TTBK2: variants seen among roughly 807,000 people sequenced by gnomAD.
The protein encoded by TTBK2 is tau-tubulin kinase 2.
A neutral mutation model predicts 110.8 loss-of-function variants in TTBK2; 28 were observed. The ratio of observed to expected loss-of-function variants is 0.25; its 90% confidence interval spans 0.19 to 0.35. The LOEUF is 0.35. TTBK2 is among the 10% of genes least tolerant of loss of function. The probability of loss-of-function intolerance (pLI) is 1.00; values close to 1 mark genes in which losing one functional copy is unlikely to be tolerated. For missense variants in TTBK2, 1,369 were observed against 1,500.3 expected (o/e 0.91, Z 1.45); for synonymous variants, 532 against 527.3 (o/e 1.01, Z -0.12).
chr15:42,879,298 G>A (rs971299922), intron 1 of TTBK2, among the ~76,000 whole-genome samples: 1 of 152,144 alleles, frequency 6.6e-6, no homozygotes. Flanking sequence ...TACTGATACA[G>A]AGTGACTTTC....
Position 42,775,699 on chromosome 15 carries a change from G to A in TTBK2, c.1434C>T (p.Thr478=). 1 of 1,612,474 alleles carries A rather than the reference G, an allele frequency of 6.2e-7. No homozygotes were observed. Among genetic ancestry groups the A allele is most frequent in the South Asian group, 1.1e-5 (1 of 90,946 alleles). Residue 478 remains threonine (T), a synonymous_variant, in exon 13 of 15, where the codon ACC becomes ACT. Transcript: ENST00000267890. ...GGAGAATAGATTCTTTTCCTGCACT[G>A]GTATCTTTCTGCATTTTCTCCAGGC... ...ETCLEKMQKD[T]SAGKESILPA...
chr15:42,782,207 G>T (rs1890208567), intron 11 of TTBK2, among the ~76,000 whole-genome samples: 1 of 152,130 alleles, frequency 6.6e-6, no homozygotes, highest in Non-Finnish European at 1.5e-5. Context: ...AAGTAGCTGG[G>T]ATTACAGGCA....
chr15:42,833,347 T>A, intron 4 of TTBK2, among the ~76,000 whole-genome samples: 1 of 142,756 alleles, frequency 7.0e-6, no homozygotes, highest in African/African-American at 2.6e-5. Flanking sequence ...AAGATCTCAA[T>A]AAAAATGCAA....
chr15:42,913,958 A>G (rs1244196287), intron 1 of TTBK2, among the ~76,000 whole-genome samples: 2 of 151,960 alleles, frequency 1.3e-5, no homozygotes, highest in Non-Finnish European at 2.9e-5. Flanking sequence ...TCACTGCAAT[A>G]ACATTTTAAG....
At chr15:42,781,340 C>A (rs1381240309) in intron 11 of TTBK2, among the ~76,000 whole-genome samples, 2 of 152,060 alleles carry the variant, frequency 1.3e-5, no homozygotes, top group Non-Finnish European at 2.9e-5. Context: ...ATATTCAGAA[C>A]AGAATGAGAA....
At chr15:42,902,425 C>T (rs2141192720) in intron 1 of TTBK2, among the ~76,000 whole-genome samples, 1 of 152,074 alleles carries the variant, frequency 6.6e-6, no homozygotes, top group Non-Finnish European at 1.5e-5. Flanking sequence ...GAGGCTGAGG[C>T]AGGAGAATCT....
intron 1 of TTBK2, among the ~76,000 whole-genome samples, chr15:42,883,992 T>C (rs1217748522): frequency 6.6e-6 from 1 of 152,108 alleles, no homozygotes; most frequent in Non-Finnish European, 1.5e-5. Flanking sequence ...TATCTGACAG[T>C]GTTGACTTCA....
chr15:42,880,617 T>C (rs888710882), intron 1 of TTBK2, among the ~76,000 whole-genome samples: 3 of 152,044 alleles, frequency 2.0e-5, no homozygotes, highest in Non-Finnish European at 4.4e-5. Flanking sequence ...TGGTCTCAGA[T>C]TCATGGCCTT....
intron 3 of TTBK2, among the ~76,000 whole-genome samples, chr15:42,860,688 T>C (rs1426079625): frequency 7.2e-6 from 1 of 138,632 alleles, no homozygotes; most frequent in Non-Finnish European, 1.5e-5. Flanking sequence ...CTACACTAAA[T>C]GCCTTTACAC....
chr15:42,813,506 A>G (rs1410362947), intron 7 of TTBK2, among the ~76,000 whole-genome samples: 1 of 152,072 alleles, frequency 6.6e-6, no homozygotes, highest in Non-Finnish European at 1.5e-5. Flanking sequence ...TGGGCAACAG[A>G]GCAAGACTCT....
chr15:42,845,565 C>T (rs1366659548), intron 3 of TTBK2, among the ~76,000 whole-genome samples: 1 of 119,672 alleles, frequency 8.4e-6, no homozygotes, highest in Non-Finnish European at 1.6e-5. Context: ...ACCTGGGAGG[C>T]GGGGGTTGCA....
chr15:42,815,948 T>TA (rs1567040504), intron 7 of TTBK2, among the ~76,000 whole-genome samples: 5 of 19,922 alleles, frequency 2.5e-4, no homozygotes, highest in African/African-American at 4.5e-4. Context: ...ATATATATAT[T>TA]TAAAAAAAAA....
intron 9 of TTBK2, among the ~76,000 whole-genome samples, chr15:42,802,912 T>C (rs888028934): frequency 2.0e-5 from 3 of 152,200 alleles, no homozygotes; most frequent in African/African-American, 7.2e-5. Context: ...CAGAAAAATG[T>C]GAAAAGGTGA....
intron 1 of TTBK2, among the ~76,000 whole-genome samples, chr15:42,889,403 T>G (rs1895366669): frequency 1.3e-5 from 2 of 152,200 alleles, no homozygotes; most frequent in Non-Finnish European, 2.9e-5. Flanking sequence ...CCTTCCCACC[T>G]CTATACAGTC....
At chr15:42,907,300 C>T (rs2030461316) in intron 1 of TTBK2, among the ~76,000 whole-genome samples, 2 of 152,140 alleles carry the variant, frequency 1.3e-5, no homozygotes, top group South Asian at 4.1e-4. Flanking sequence ...AATAGAACTT[C>T]CATATTATCC....
At chr15:42,905,987 G>A (rs1043732433) in intron 1 of TTBK2, among the ~76,000 whole-genome samples, 2 of 152,050 alleles carry the variant, frequency 1.3e-5, no homozygotes, top group African/African-American at 2.4e-5. Flanking sequence ...TCGGGAGTTC[G>A]AGACCAGCCA....
intron 1 of TTBK2, among the ~76,000 whole-genome samples, chr15:42,896,915 G>C (rs1332582836): frequency 1.4e-5 from 2 of 139,750 alleles, no homozygotes; most frequent in Non-Finnish European, 3.1e-5. Context: ...TCTTGCTCTT[G>C]TCGCCCAGGC....
intron 3 of TTBK2, among the ~76,000 whole-genome samples, chr15:42,854,063 G>A (rs1269653950): frequency 6.6e-6 from 1 of 151,890 alleles, no homozygotes; most frequent in African/African-American, 2.4e-5. Context: ...AGCCTCTCAA[G>A]TAGCTGGGTC....
At chr15:42,819,383 G>C (rs117699407) in intron 6 of TTBK2, among the ~76,000 whole-genome samples, 170 of 148,914 alleles carry the variant, frequency 1.1e-3, no homozygotes, top group Admixed American at 3.3e-3. Flanking sequence ...AGAATAATTT[G>C]GTTGTATGTT....
Sources: gnomAD v4.1 joint callset for allele counts (sites outside exome capture counted in the v4.1 genomes callset) on GRCh38, gnomAD v4.1.1 for gene constraint, MANE v1.5 for transcripts, NCBI Gene and HGNC (gene_info 2026-07-23, HGNC 2026-07-21) for gene names.